Variants in C16orf46 observed in about 807,000 individuals in gnomAD.
C16orf46 encodes the protein uncharacterized protein C16orf46.
C16orf46 carries 7 observed loss-of-function variants against 5.5 expected under a neutral mutation model. The observed-to-expected ratio is 1.28, with a 90% confidence interval of 0.73 to 2.40. C16orf46 has a LOEUF of 2.40. Ranked by LOEUF, C16orf46 falls within the 30% of genes most tolerant of loss-of-function variation. The pLI, the probability that C16orf46 is intolerant of heterozygous loss-of-function variation, is 0.00. For missense variants in C16orf46, 614 were observed against 476.0 expected (o/e 1.29, Z -2.70); for synonymous variants, 200 against 184.1 (o/e 1.09, Z -0.70).
At chr16:81,075,454 G>C (rs972241195) in intron 1 of C16orf46, among the ~76,000 whole-genome samples, 3 of 152,140 alleles carry the variant, frequency 2.0e-5, no homozygotes, top group African/African-American at 7.2e-5. Flanking sequence ...GCCAGGCATG[G>C]TGGCTCACGC....
In C16orf46 at chr16:81,061,806, A is replaced by G. The variant is rs763569127; in HGVS notation, c.543T>C (p.Asn181=). 5.3e-5 allele frequency: 85 copies of G among 1,614,058 alleles called. No individual in the cohort carries two copies. The highest frequency in any genetic ancestry group is 3.3e-4 in the Middle Eastern group (2 of 6,084). The part of the protein sequence containing the change: ...CNKDWAIPGT[N]RGKASGNPSG... Reference sequence around the variant, plus strand: ...TGGGATTCCCAGAGGCCTTGCCCCTATTAGTGCCGGGGATGGCCCAGTCTT... The same window carrying G: ...TGGGATTCCCAGAGGCCTTGCCCCTGTTAGTGCCGGGGATGGCCCAGTCTT... Residue 181 remains asparagine, a synonymous_variant, in exon 4 of 4, where the codon AAT becomes AAC. Transcript: ENST00000299578.
intron 1 of C16orf46, among the ~76,000 whole-genome samples, chr16:81,074,945 A>G (rs932159415): frequency 1.3e-5 from 2 of 152,166 alleles, no homozygotes; most frequent in Non-Finnish European, 2.9e-5. Context: ...GACTTCCCAC[A>G]GTTTGACCAT....
At chr16:81,072,379 A>G (rs804903) in intron 1 of C16orf46, 106,802 of 150,208 alleles carry the variant, frequency 0.71, 38,506 homozygotes, top group South Asian at 0.83. Context: ...TAGCTATAAC[A>G]TACTTTTTAT....
intron 1 of C16orf46, among the ~76,000 whole-genome samples, chr16:81,069,002 C>A (rs1047113965): frequency 6.6e-6 from 1 of 152,050 alleles, no homozygotes; most frequent in Non-Finnish European, 1.5e-5. Flanking sequence ...CCGTGCCTGG[C>A]CCTTCATATT....
At position 81,061,551 on chromosome 16, in the gene C16orf46, G is replaced by A; in HGVS notation, c.798C>T (p.Ala266=). The change falls in exon 4 of 4, where the codon GCC becomes GCT. Residue 266 remains alanine, a synonymous_variant. Coordinates refer to ENST00000299578, the MANE Select transcript of C16orf46 (RefSeq NM_152337.3). ...KTADGKGEKR[A]SELAKHPMVN... is the part of the protein sequence containing the mutation. ...CCATAGGGTGTTTGGCCAGCTCACT[G>A]GCTCTTTTTTCACCTTTCCCATCTG... 1 of 1,614,150 alleles carries A rather than the reference G, an allele frequency of 6.2e-7. No homozygotes were observed. The highest frequency in any genetic ancestry group is 1.1e-5 in the South Asian group (1 of 91,080).
intron 1 of C16orf46, among the ~76,000 whole-genome samples, chr16:81,069,043 C>A (rs1441151861): frequency 1.3e-5 from 2 of 152,080 alleles, no homozygotes; most frequent in African/African-American, 2.4e-5. Context: ...AACGTGGCTA[C>A]TTTATTTTAA....
At chr16:81,060,794 G>A (rs552949883), downstream of C16orf46, 129 of 226,902 alleles carry the variant, frequency 5.7e-4, no homozygotes, top group African/African-American at 2.6e-3. Flanking sequence ...GCTGACGTGC[G>A]GCCAGCATGG....
chr16:81,058,615 T>G (rs542962065), downstream of C16orf46, among the ~76,000 whole-genome samples: 30 of 152,360 alleles, frequency 2.0e-4, no homozygotes, highest in African/African-American at 6.7e-4. Context: ...AAATGCCAGC[T>G]TGCAGGCCAA....
chr16:81,059,845 G>A (rs1221959016), downstream of C16orf46, among the ~76,000 whole-genome samples: 2 of 150,718 alleles, frequency 1.3e-5, no homozygotes, highest in Non-Finnish European at 2.9e-5. Context: ...CTGGAGAGCA[G>A]TGGCACGATC....
chr16:81,054,346 T>G (rs2549897), intron 3 of C16orf46, among the ~76,000 whole-genome samples: 143,460 of 151,802 alleles, frequency 0.95, 68,286 homozygotes, highest in East Asian at 1. Context: ...GAAATTAAGA[T>G]TTTAATTTTG....
chr16:81,055,812 C>A lies in C16orf46; in HGVS notation c.1144-1718G>T, dbSNP rs149688705. Among the ~76,000 whole-genome samples, 561 of 152,296 alleles carry A rather than the reference C, an allele frequency of 3.7e-3. 2 individuals are homozygous for A. The highest frequency in any genetic ancestry group is 0.01 in the African/African-American group (431 of 41,566). ...TCAGCTCACTGCAACCTCTGCCTCC[C>A]CGGGTTCAAGCGACTCTCCTGCCTA... On this transcript the variant is annotated intron_variant, in intron 3 of 3. Coordinates refer to the C16orf46 transcript ENST00000378611.
At chr16:81,068,602 A>G (rs1259536783) in intron 1 of C16orf46, among the ~76,000 whole-genome samples, 1 of 130,688 alleles carries the variant, frequency 7.7e-6, no homozygotes, top group Non-Finnish European at 1.6e-5. Context: ...GTCTCACTAT[A>G]TTGACCAGGC....
chr16:81,063,579 T>C (rs919093674), intron 3 of C16orf46, among the ~76,000 whole-genome samples, 167 bp downstream of exon 3: 3 of 152,234 alleles, frequency 2.0e-5, no homozygotes, highest in Non-Finnish European at 4.4e-5. Flanking sequence ...ATACCCACAG[T>C]AGGTGCTGCT....
chr16:81,072,851 G>A (rs181143254), intron 1 of C16orf46, among the ~76,000 whole-genome samples: 119 of 152,186 alleles, frequency 7.8e-4, no homozygotes, highest in Middle Eastern at 3.4e-3. Context: ...ACAGGCGTGC[G>A]CCACCATGCC....
chr16:81,062,885 T>TTC (rs1428775783), intron 3 of C16orf46, among the ~76,000 whole-genome samples: 1 of 151,638 alleles, frequency 6.6e-6, no homozygotes, highest in Non-Finnish European at 1.5e-5. Flanking sequence ...TATGCTTTTT[T>TTC]TTTTTTTTTA....
intron 3 of C16orf46, chr16:81,055,577 C>A (rs1443673422): frequency 6.6e-6 from 1 of 152,002 alleles, no homozygotes; most frequent in Non-Finnish European, 1.5e-5. Flanking sequence ...GCCTGTACAG[C>A]CAGCTACTAG....
chr16:81,061,380 G>A lies in C16orf46; in HGVS notation c.969C>T (p.Ala323=), dbSNP rs1201467812. The change falls in exon 4 of 4, where the codon GCC becomes GCT. Residue 323 remains alanine (A), a synonymous_variant. Transcript: ENST00000299578. ...CTCCCCGTTTCTGCAGAAGCTGCAA[G>A]GCAGCAAGGTAGCGAACGTTGCTGG... ...PDPSNVRYLA[A]LQLLQKRGVQ... is the part of the protein sequence containing the mutation. 2.5e-6 allele frequency: 4 copies of A among 1,614,188 alleles called. No homozygotes were observed. The highest frequency in any genetic ancestry group is 1.6e-4 in the Middle Eastern group (1 of 6,062).
rs775426030 is a variant in C16orf46 at position 81,062,137 on chromosome 16, A to C, written c.212T>G (p.Val71Gly). The C allele has an allele frequency of 9.6e-6, 15 of 1,562,570 alleles. No individual in the cohort carries two copies. In the East Asian group the frequency reaches 2.9e-4, roughly 30 times the overall value. Residue 71 changes from valine (V) to glycine (G), a missense_variant and splice_region_variant, in exon 4 of 4, where the codon GTC (valine) becomes GGC (glycine). Physicochemically the swap from Val to Gly is moderately radical, Grantham distance 109 (BLOSUM62 -3). Transcript: ENST00000299578. ...TGGAGAAGTCCTTCCCCACCCTTGG[A>C]CCTGCAAATAAAGCGGCATGTTACT... Reference protein sequence around the residue: ...FIIGTGWEEAVQGWGRTSPAA... With the variant: ...FIIGTGWEEAGQGWGRTSPAA...
At chr16:81,058,051 A>G (rs2151746653), downstream of C16orf46, 1 of 174,824 alleles carries the variant, frequency 5.7e-6, no homozygotes, top group South Asian at 1.4e-4. Flanking sequence ...AAACAAAACA[A>G]AACAAAACAA....
Sources: allele counts gnomAD v4.1 joint callset (sites outside exome capture counted in the v4.1 genomes callset), GRCh38; gene constraint gnomAD v4.1.1; transcripts MANE v1.5; gene names NCBI Gene and HGNC (gene_info 2026-07-23, HGNC 2026-07-21).